Variants in DPP10 observed in about 807,000 individuals in gnomAD.
DPP10 encodes the protein inactive dipeptidyl peptidase 10.
Under a neutral mutation model 120.9 loss-of-function variants are expected in DPP10, and 33 were observed. The observed-to-expected ratio is 0.27, with a 90% CI of 0.21 to 0.37. The LOEUF is 0.37. Ranked by LOEUF, DPP10 falls within the 10% of genes least tolerant of loss-of-function variation. The pLI, the probability that DPP10 is intolerant of heterozygous loss-of-function variation, is 1.00. For missense variants in DPP10, 816 were observed against 942.8 expected (o/e 0.87, Z 1.76); for synonymous variants, 337 against 326.1 (o/e 1.03, Z -0.36).
At chr2:115,236,227 T>C (rs1037953493) in intron 1 of DPP10, among the ~76,000 whole-genome samples, 4 of 152,204 alleles carry the variant, frequency 2.6e-5, no homozygotes, top group Non-Finnish European at 5.9e-5. Flanking sequence ...ACAGATAAAA[T>C]TTTTTTAAAA....
chr2:115,116,879 G>A (rs2049537900), intron 1 of DPP10, among the ~76,000 whole-genome samples: 1 of 152,046 alleles, frequency 6.6e-6, no homozygotes, highest in Non-Finnish European at 1.5e-5. Flanking sequence ...GTAACATTGA[G>A]CTCAAAACCT....
intron 1 of DPP10, among the ~76,000 whole-genome samples, chr2:115,264,220 T>C (rs971320604): frequency 1.3e-5 from 2 of 152,228 alleles, no homozygotes; most frequent in African/African-American, 4.8e-5. Flanking sequence ...AATTAGTTTT[T>C]GTGAAAATAA....
At chr2:114,480,204 C>G (rs1680899363) in intron 1 of DPP10, among the ~76,000 whole-genome samples, 3 of 151,028 alleles carry the variant, frequency 2.0e-5, no homozygotes, top group Non-Finnish European at 4.4e-5. Flanking sequence ...AGTCAGGAAA[C>G]AACAGGTGCT....
chr2:114,863,123 AT>A (rs1689957409), intron 1 of DPP10, among the ~76,000 whole-genome samples: 2 of 152,034 alleles, frequency 1.3e-5, no homozygotes, highest in Non-Finnish European at 2.9e-5. Flanking sequence ...ATTTTTCTTG[AT>A]TTTCTAGGTT....
At position 114,954,019 on chromosome 2, in the gene DPP10, G is replaced by T. The variant is rs971667202; in HGVS notation, c.61-355220G>T. Among the ~76,000 whole-genome samples, 12 of 149,960 alleles carry T rather than the reference G, an allele frequency of 8.0e-5. No individual in the cohort carries two copies. In the East Asian group the frequency reaches 1.2e-3, roughly 15 times the overall value. On this transcript the variant is annotated intron_variant, in intron 1 of 25. Coordinates refer to ENST00000410059, the MANE Select transcript of DPP10 (RefSeq NM_020868.6). ...TGGAATTGTTCAACCAAAACAAAAT[G>T]TAGAAATAAAATAATTCTGCCCCAG...
At chr2:115,111,450 G>T (rs532570676) in intron 1 of DPP10, among the ~76,000 whole-genome samples, 22 of 152,180 alleles carry the variant, frequency 1.4e-4, no homozygotes, top group African/African-American at 5.3e-4. Context: ...CTGGCCTGTG[G>T]AACACTCATA....
At chr2:115,287,983 C>T (rs899034008) in intron 1 of DPP10, among the ~76,000 whole-genome samples, 34 of 152,026 alleles carry the variant, frequency 2.2e-4, no homozygotes, top group Admixed American at 6.6e-5. Context: ...TAAAAATACA[C>T]GTGCAAGTGT....
chr2:114,852,970 G>T (rs1354230461), intron 1 of DPP10, among the ~76,000 whole-genome samples: 5 of 152,156 alleles, frequency 3.3e-5, no homozygotes, highest in Non-Finnish European at 5.9e-5. Context: ...CCGAACACCT[G>T]TGCAGGCTGT....
Position 115,801,280 on chromosome 2 carries a change from G to T in DPP10, c.1700+9924G>T, listed in dbSNP as rs552086221. 2.0e-3 allele frequency among the ~76,000 whole-genome samples: 310 copies of T among 152,288 alleles called. 1 individual carries two copies. Among genetic ancestry groups the T allele is most frequent in the African/African-American group, 7.1e-3 (296 of 41,558 alleles). On this transcript the variant is annotated intron_variant, in intron 19 of 25. Transcript: ENST00000410059. Reference sequence around the variant, plus strand: ...GGAAGGCTTGTGATTTTTGTACATTGATTTTGTATGCTGAGACTTTGCTGA... The same window carrying T: ...GGAAGGCTTGTGATTTTTGTACATTTATTTTGTATGCTGAGACTTTGCTGA...
intron 1 of DPP10, among the ~76,000 whole-genome samples, chr2:115,003,523 C>G (rs780743071): frequency 5.9e-5 from 9 of 151,514 alleles, no homozygotes; most frequent in Non-Finnish European, 1.3e-4. Flanking sequence ...AAATAAAAGT[C>G]CAAAAACGAC....
chr2:114,878,499 A>G (rs1181999054), intron 1 of DPP10, among the ~76,000 whole-genome samples: 1 of 152,102 alleles, frequency 6.6e-6, no homozygotes, highest in Non-Finnish European at 1.5e-5. Context: ...TAGTCTCTCT[A>G]CTGTGCTATA....
chr2:115,540,888 G>T (rs2079132829), intron 5 of DPP10, among the ~76,000 whole-genome samples: 1 of 151,768 alleles, frequency 6.6e-6, no homozygotes, highest in African/African-American at 2.4e-5. Flanking sequence ...CTGAGGGAGA[G>T]CATTTTATTA....
chr2:115,569,531 G>T (rs2081218825), intron 5 of DPP10, among the ~76,000 whole-genome samples: 2 of 152,208 alleles, frequency 1.3e-5, no homozygotes, highest in African/African-American at 4.8e-5. Flanking sequence ...TAATAAAAGA[G>T]TGTGCTGGTT....
At chr2:115,622,829 C>CTTT (rs765780452) in intron 5 of DPP10, among the ~76,000 whole-genome samples, 17 of 128,348 alleles carry the variant, frequency 1.3e-4, no homozygotes, top group African/African-American at 2.0e-4. Flanking sequence ...TTCGTTTATT[C>CTTT]TTTTTTTTTT....
chr2:114,929,884 TA>T (rs1182825526), intron 1 of DPP10, among the ~76,000 whole-genome samples: 1 of 152,144 alleles, frequency 6.6e-6, no homozygotes, highest in Non-Finnish European at 1.5e-5. Flanking sequence ...ACGACAGGCA[TA>T]AGAAATTATA....
chr2:114,584,761 C>G (rs1690814513), intron 1 of DPP10, among the ~76,000 whole-genome samples: 1 of 151,902 alleles, frequency 6.6e-6, no homozygotes, highest in Non-Finnish European at 1.5e-5. Context: ...CAAATGCAGG[C>G]TTTAGACTTT....
At chr2:115,132,214 G>T (rs921962936) in intron 1 of DPP10, among the ~76,000 whole-genome samples, 8 of 152,126 alleles carry the variant, frequency 5.3e-5, no homozygotes, top group Non-Finnish European at 1.2e-4. Flanking sequence ...GTTAAGATTG[G>T]GGGTGTTGTG....
At chr2:114,767,293 T>C (rs1680819677) in intron 1 of DPP10, among the ~76,000 whole-genome samples, 1 of 139,614 alleles carries the variant, frequency 7.2e-6, no homozygotes, top group African/African-American at 2.6e-5. Context: ...AGATATATAA[T>C]ATATATATAT....
At chr2:114,659,384 C>A (rs1472271307) in intron 1 of DPP10, among the ~76,000 whole-genome samples, 1 of 151,986 alleles carries the variant, frequency 6.6e-6, no homozygotes, top group East Asian at 1.9e-4. Context: ...AAAAGGACCA[C>A]CTCACTGGGG....
Sources: allele counts gnomAD v4.1 joint callset (sites outside exome capture counted in the v4.1 genomes callset), GRCh38; gene constraint gnomAD v4.1.1; transcripts MANE v1.5; gene names NCBI Gene and HGNC (gene_info 2026-07-23, HGNC 2026-07-21).